ESYT1: variants seen among roughly 807,000 people sequenced by gnomAD.
ESYT1 encodes extended synaptotagmin-1.
A neutral mutation model predicts 154.2 loss-of-function variants in ESYT1; 116 were observed. The ratio of observed to expected loss-of-function variants is 0.75; its 90% confidence interval spans 0.65 to 0.88. The LOEUF is 0.88. Ranked by LOEUF, ESYT1 falls within the 40% of genes least tolerant of loss-of-function variation. ESYT1 has a pLI of 0.00. For synonymous variants in ESYT1, 500 were observed against 539.9 expected (o/e 0.93, Z 1.02); for missense variants, 1,264 against 1,379.3 (o/e 0.92, Z 1.32).
chr12:56,140,800 A>G (rs1870658858), intron 24 of ESYT1, among the ~76,000 whole-genome samples: 1 of 152,232 alleles, frequency 6.6e-6, no homozygotes, highest in African/African-American at 2.4e-5. Context: ...AGAGCAGTCA[A>G]AGCAGGAAAC....
chr12:56,137,270 C>G lies in ESYT1; in HGVS notation c.1835C>G (p.Pro612Arg). Reference sequence around the variant, plus strand: ...TGCTTCCCCACGGTGCCTGGTTGTCCTGGTGCTTGGGACGTGGACAGTGAG... The same window carrying G: ...TGCTTCCCCACGGTGCCTGGTTGTCGTGGTGCTTGGGACGTGGACAGTGAG... ...EICFPTVPGCPGAWDVDSENP... is the reference protein window; with the variant it reads ...EICFPTVPGCRGAWDVDSENP... Residue 612 changes from proline to arginine, a missense_variant, in exon 17 of 31, where the codon CCT (proline) becomes CGT (arginine). Pro to Arg is a moderately radical substitution (Grantham distance 103). Coordinates refer to ENST00000394048, the MANE Select transcript of ESYT1 (RefSeq NM_015292.3). 1.2e-6 allele frequency: 2 copies of G among 1,614,210 alleles called. No individual in the cohort carries two copies. The highest frequency in any genetic ancestry group is 1.7e-6 in the Non-Finnish European group (2 of 1,180,032).
Position 56,128,293 on chromosome 12 carries a change from C to G in ESYT1, c.-27C>G. On this transcript the variant is annotated 5_prime_UTR_variant, in exon 1 of 31. Coordinates refer to ENST00000394048, the MANE Select transcript of ESYT1 (RefSeq NM_015292.3). ...GGCAACCTCCAGCCAGTCCCTGGGT[C>G]GGGCGGATCCTCCCAGAGGTGGCAC... 11 of 1,586,780 alleles carry G rather than the reference C, an allele frequency of 6.9e-6. No homozygotes were observed. Among genetic ancestry groups the G allele is most frequent in the Non-Finnish European group, 9.4e-6 (11 of 1,170,582 alleles).
Position 56,142,504 on chromosome 12 carries a change from G to A in ESYT1, c.2734-74G>A, listed in dbSNP as rs1429188087. ...CAGGTGAGGGACACCCAGGAGGGTG[G>A]GAACAGAGGGCCGTGTCCTTAGAGT... On this transcript the variant is annotated intron_variant, in intron 25 of 30. Coordinates refer to ENST00000394048, the MANE Select transcript of ESYT1 (RefSeq NM_015292.3). This position sits in a 1 kb window ranked among gnomAD's most constrained non-coding sequence, Gnocchi z 4.1. 1 of 1,609,540 alleles carries A rather than the reference G, an allele frequency of 6.2e-7. No individual in the cohort carries two copies. The highest frequency in any genetic ancestry group is 2.2e-5 in the East Asian group (1 of 44,784).
At position 56,144,036 on chromosome 12, in the gene ESYT1, T is replaced by C; in HGVS notation, c.*174T>C. 5 of 1,470,602 alleles carry C rather than the reference T, an allele frequency of 3.4e-6. No individual in the cohort carries two copies. The highest frequency in any genetic ancestry group is 2.5e-5 in the Admixed American group (1 of 39,716). The allele number at this position is 1,470,602 out of a possible 1,614,324, so 91.1% of individuals were successfully genotyped here. A position where few individuals can be genotyped will look rare whatever the true frequency, so the allele number is the denominator to read the frequency against. ...TGCCTGACCAAAGAGAAGAACCGTA[T>C]GTTCCCTTTACTGCACGGCCTTTAT... On this transcript the variant is annotated 3_prime_UTR_variant, in exon 31 of 31. Coordinates refer to ENST00000394048, the MANE Select transcript of ESYT1 (RefSeq NM_015292.3).
At chr12:56,133,961 C>T in intron 13 of ESYT1, 88 bp downstream of exon 13, 3 of 1,540,506 alleles carry the variant, frequency 1.9e-6, no homozygotes. Context: ...GCCTGCTTTG[C>T]TCCAGAAGTA....
intron 24 of ESYT1, among the ~76,000 whole-genome samples, chr12:56,139,831 A>C (rs1325996050): frequency 6.6e-6 from 1 of 150,462 alleles, no homozygotes; most frequent in Non-Finnish European, 1.5e-5. Flanking sequence ...CAGGTTATCC[A>C]TCCACCTCAG....
intron 16 of ESYT1, 56 bp downstream of exon 16, chr12:56,136,949 T>C (rs762516426): frequency 2.6e-6 from 4 of 1,526,790 alleles, no homozygotes; most frequent in Non-Finnish European, 3.5e-6. Flanking sequence ...GATTCTTTGG[T>C]ATTAAGAGTA....
chr12:56,139,459 G>T (rs933833484), intron 24 of ESYT1, among the ~76,000 whole-genome samples: 7 of 151,926 alleles, frequency 4.6e-5, no homozygotes, highest in African/African-American at 1.7e-4. Context: ...TGTTTTGGGA[G>T]AAAAATAACC....
At position 56,136,673 on chromosome 12, in the gene ESYT1, G is replaced by A. The variant is rs1870470009; in HGVS notation, c.1633-71G>A. The A allele has an allele frequency of 7.1e-6, 10 of 1,399,640 alleles. No individual in the cohort carries two copies. The African/African-American group carries it at 1.0e-4, about 14-fold the overall frequency. The allele number at this position is 1,399,640 out of a possible 1,614,324, so 86.7% of individuals were successfully genotyped here. A position where few individuals can be genotyped will look rare whatever the true frequency, so the allele number is the denominator to read the frequency against. Reference sequence around the variant, plus strand: ...CAGAGAGGAATGAAGTTGGAGCCATGTTATCATTTTCACAGTATGCCTCCC... The same window carrying A: ...CAGAGAGGAATGAAGTTGGAGCCATATTATCATTTTCACAGTATGCCTCCC... On this transcript the variant is annotated intron_variant, in intron 15 of 30. Coordinates refer to ENST00000394048, the MANE Select transcript of ESYT1 (RefSeq NM_015292.3).
At chr12:56,128,809 G>C in intron 1 of ESYT1, 100 bp downstream of exon 1, 1 of 1,462,740 alleles carries the variant, frequency 6.8e-7, no homozygotes, top group Non-Finnish European at 9.3e-7. Context: ...CCCTGCCTTG[G>C]GACAGTGGGC....
rs1870733438 is a variant in ESYT1, at chr12:56,142,308, G to A, written c.2616G>A (p.Val872=). 2.5e-6 allele frequency: 4 copies of A among 1,614,034 alleles called. No individual in the cohort carries two copies. Among genetic ancestry groups the A allele is most frequent in the Non-Finnish European group, 3.4e-6 (4 of 1,180,046 alleles). The change falls in exon 25 of 31, where the codon GTG becomes GTA. Residue 872 remains valine, a synonymous_variant. Transcript: ENST00000394048. The surrounding 1 kb of genome is among the most constrained non-coding windows in gnomAD (Gnocchi z 4.1). ...ELQVRGEGTG[V]LGSLSLPLSE... ...AGGTTCGGGGTGAGGGCACTGGCGT[G>A]CTGGGCTCATTATCCCTGCCCCTCT...
At chr12:56,140,365 TTTTA>T (rs1300482438) in intron 24 of ESYT1, among the ~76,000 whole-genome samples, 2 of 151,806 alleles carry the variant, frequency 1.3e-5, no homozygotes, top group Admixed American at 6.6e-5. Flanking sequence ...CCTTTGTTTA[TTTTA>T]TTTATTATTT....
chr12:56,130,045 C>T (rs912773578), intron 1 of ESYT1, among the ~76,000 whole-genome samples: 1 of 152,102 alleles, frequency 6.6e-6, no homozygotes, highest in African/African-American at 2.4e-5. Context: ...TCCTGGGTAG[C>T]TGGGATTACA....
chr12:56,131,925 C>CA, intron 7 of ESYT1, 121 bp downstream of exon 7: 1 of 1,117,474 alleles, frequency 8.9e-7, no homozygotes, highest in South Asian at 1.3e-5. Flanking sequence ...ATTTGGGGAG[C>CA]AAAGACAAAT....
Position 56,143,260 on chromosome 12 carries a change from A to G in ESYT1, c.3152A>G (p.Gln1051Arg), listed in dbSNP as rs1001425119. Residue 1051 changes from glutamine to arginine, a missense_variant, in exon 29 of 31, where the codon CAG (glutamine) becomes CGG (arginine). Transcript: ENST00000394048. ...FEWELPLDEA[Q>R]RRKLDVSVKS... ...TGGGAACTCCCCCTGGATGAGGCCC[A>G]GAGACGAAAGCTGGATGTCTCTGTC... The G allele has an allele frequency of 6.2e-7, 1 of 1,614,200 alleles. No homozygotes were observed. The highest frequency in any genetic ancestry group is 8.5e-7 in the Non-Finnish European group (1 of 1,180,036).
chr12:56,133,721 C>T, intron 12 of ESYT1, 47 bp downstream of exon 12: 7 of 1,612,896 alleles, frequency 4.3e-6, no homozygotes, highest in Non-Finnish European at 5.9e-6. Flanking sequence ...AAATAGGTAG[C>T]TGGAAGTGTA....
intron 7 of ESYT1, 28 bp downstream of exon 7, chr12:56,131,832 G>C: frequency 6.2e-7 from 1 of 1,608,246 alleles, no homozygotes; most frequent in Non-Finnish European, 8.5e-7. Context: ...AGCACCTGCT[G>C]AGTGTTCCAG....
chr12:56,138,353 A>G (rs773420511), intron 21 of ESYT1, 51 bp from the exon 22 acceptor site: 1 of 1,611,722 alleles, frequency 6.2e-7, no homozygotes, highest in South Asian at 1.1e-5. Flanking sequence ...GGCACATGCC[A>G]GAACCCAAGG....
intron 23 of ESYT1, 33 bp from the exon 24 acceptor site, chr12:56,138,894 C>T: frequency 6.2e-7 from 1 of 1,611,202 alleles, no homozygotes; most frequent in South Asian, 1.1e-5. Context: ...ATAAGAGTAT[C>T]AGCTACTGAT....
Sources: gnomAD v4.1 joint callset for allele counts (sites outside exome capture counted in the v4.1 genomes callset) on GRCh38, gnomAD v4.1.1 for gene constraint, Gnocchi (gnomAD v3.1) non-coding constraint, MANE v1.5 for transcripts, NCBI Gene and HGNC (gene_info 2026-07-23, HGNC 2026-07-21) for gene names.